The following RBFOX1 variants were observed in gnomAD, a reference collection of about 807,000 sequenced individuals.
The protein encoded by RBFOX1 is RNA binding fox-1 homolog 1.
Under a neutral mutation model 57.7 loss-of-function variants are expected in RBFOX1, and 8 were observed. The observed-to-expected ratio is 0.14, with a 90% CI of 0.08 to 0.25. The LOEUF (loss-of-function observed/expected upper bound fraction) is 0.25. RBFOX1 is among the 10% of genes least tolerant of loss of function. The pLI is 1.00. For missense variants in RBFOX1, 611 were observed against 548.5 expected (o/e 1.11, Z -1.14); for synonymous variants, 326 against 222.4 (o/e 1.47, Z -4.15).
intron 4 of RBFOX1, among the ~76,000 whole-genome samples, chr16:5,932,437 T>G (rs2059080507): frequency 6.6e-6 from 1 of 152,056 alleles, no homozygotes; most frequent in Non-Finnish European, 1.5e-5. Flanking sequence ...AGATGAAAAT[T>G]CAGCAAGGTC....
chr16:6,576,687 A>G (rs1013795691), intron 2 of RBFOX1, among the ~76,000 whole-genome samples: 6 of 152,058 alleles, frequency 3.9e-5, no homozygotes, highest in African/African-American at 1.2e-4. Flanking sequence ...AGGTCAAACT[A>G]TGTGGAAGGA....
chr16:6,973,507 A>G (rs949678748), intron 3 of RBFOX1, among the ~76,000 whole-genome samples: 1 of 152,138 alleles, frequency 6.6e-6, no homozygotes, highest in East Asian at 1.9e-4. Flanking sequence ...AAATGCTCCT[A>G]TTTCTAGGAG....
chr16:5,728,090 A>C (rs901245123), intron 3 of RBFOX1, among the ~76,000 whole-genome samples: 3 of 152,232 alleles, frequency 2.0e-5, no homozygotes, highest in African/African-American at 7.2e-5. Flanking sequence ...TTGATCCAGC[A>C]ATCCCACTTA....
intron 4 of RBFOX1, among the ~76,000 whole-genome samples, chr16:7,070,086 A>G (rs1309380782): frequency 6.6e-6 from 1 of 151,958 alleles, no homozygotes; most frequent in Non-Finnish European, 1.5e-5. Flanking sequence ...CTGTTGTAGG[A>G]TGTGGATTCT....
At chr16:6,608,981 C>A (rs1248456852) in intron 2 of RBFOX1, among the ~76,000 whole-genome samples, 2 of 152,158 alleles carry the variant, frequency 1.3e-5, no homozygotes, top group Non-Finnish European at 2.9e-5. Flanking sequence ...CCAGCCATGG[C>A]CAGGCAAGCC....
chr16:5,773,890 G>A (rs1000533098), intron 3 of RBFOX1, among the ~76,000 whole-genome samples: 1 of 152,004 alleles, frequency 6.6e-6, no homozygotes, highest in African/African-American at 2.4e-5. Flanking sequence ...GAGAGATGGG[G>A]TTTCACCATG....
chr16:6,479,327 T>C (rs1021410403), intron 2 of RBFOX1, among the ~76,000 whole-genome samples: 1 of 152,118 alleles, frequency 6.6e-6, no homozygotes, highest in Non-Finnish European at 1.5e-5. Flanking sequence ...GGAACTGCCT[T>C]ATAAAACCAT....
At chr16:7,182,686 G>A (rs902534924) in intron 4 of RBFOX1, among the ~76,000 whole-genome samples, 1 of 152,104 alleles carries the variant, frequency 6.6e-6, no homozygotes, top group Non-Finnish European at 1.5e-5. Flanking sequence ...GTACGATGAA[G>A]CAAAGACCAG....
chr16:7,166,792 A>T (rs1026420885), intron 4 of RBFOX1, among the ~76,000 whole-genome samples: 2 of 151,916 alleles, frequency 1.3e-5, no homozygotes, highest in Admixed American at 6.5e-5. Flanking sequence ...CAGACAGCCA[A>T]AGGAGTGCTG....
intron 4 of RBFOX1, among the ~76,000 whole-genome samples, chr16:7,235,693 G>T (rs982351737): frequency 5.9e-5 from 9 of 152,190 alleles, no homozygotes; most frequent in Middle Eastern, 3.2e-3. Flanking sequence ...CTCTTTGAGG[G>T]TTGGAGAGAA....
chr16:6,510,162 C>T (rs968615116), intron 2 of RBFOX1, among the ~76,000 whole-genome samples: 4 of 152,172 alleles, frequency 2.6e-5, no homozygotes, highest in Admixed American at 6.5e-5. Flanking sequence ...AGAGTGGAAA[C>T]ATATGTATGC....
At chr16:7,245,577 A>G (rs181091905) in intron 4 of RBFOX1, among the ~76,000 whole-genome samples, 326 of 152,334 alleles carry the variant, frequency 2.1e-3, no homozygotes, top group Non-Finnish European at 2.9e-3. Context: ...AAAATTTTAA[A>G]TCTGATTTTT....
intron 2 of RBFOX1, among the ~76,000 whole-genome samples, chr16:6,641,320 C>A (rs1568004079): frequency 6.6e-6 from 1 of 152,154 alleles, no homozygotes; most frequent in East Asian, 1.9e-4. Flanking sequence ...TCAACCAAGG[C>A]GTTCACCTTC....
intron 5 of RBFOX1, among the ~76,000 whole-genome samples, chr16:7,555,577 G>C (rs956635242): frequency 6.6e-6 from 1 of 152,154 alleles, no homozygotes; most frequent in African/African-American, 2.4e-5. Flanking sequence ...AGACTACAAA[G>C]ACCTGCGTGA....
intron 3 of RBFOX1, among the ~76,000 whole-genome samples, chr16:6,920,931 A>G (rs377367324): frequency 1.1e-4 from 16 of 152,312 alleles, no homozygotes; most frequent in African/African-American, 3.8e-4. Flanking sequence ...TTTTTGCAGG[A>G]CACTATCTGG....
intron 3 of RBFOX1, among the ~76,000 whole-genome samples, chr16:6,710,230 C>G (rs920399640): frequency 6.6e-6 from 1 of 152,234 alleles, no homozygotes; most frequent in South Asian, 2.1e-4. Flanking sequence ...TTTTCCTTAA[C>G]TTCTCAAAGC....
At chr16:7,345,478 A>C (rs1355449084) in intron 4 of RBFOX1, among the ~76,000 whole-genome samples, 1 of 152,124 alleles carries the variant, frequency 6.6e-6, no homozygotes, top group East Asian at 1.9e-4. Context: ...TTTGTTTCAC[A>C]CCTGGTGTTT....
intron 4 of RBFOX1, among the ~76,000 whole-genome samples, chr16:7,065,673 T>A (rs533854022): frequency 6.6e-6 from 1 of 152,326 alleles, no homozygotes; most frequent in Non-Finnish European, 1.5e-5. Flanking sequence ...ACTTAAAATT[T>A]ACGCTCTCAG....
At chr16:6,692,979 A>G (rs781701748) in intron 3 of RBFOX1, among the ~76,000 whole-genome samples, 21 of 151,660 alleles carry the variant, frequency 1.4e-4, no homozygotes, top group Middle Eastern at 3.2e-3. Flanking sequence ...CGGCATCATT[A>G]TCACCATCGT....
Sources: gnomAD v4.1 joint callset for allele counts (sites outside exome capture counted in the v4.1 genomes callset) on GRCh38, gnomAD v4.1.1 for gene constraint, MANE v1.5 for transcripts, NCBI Gene and HGNC (gene_info 2026-07-23, HGNC 2026-07-21) for gene names.